Variants in NKAIN3 observed in about 807,000 individuals in gnomAD.
NKAIN3 encodes sodium/potassium transporting ATPase interacting 3, also known as sodium/potassium-transporting ATPase subunit beta-1-interacting protein 3.
A neutral mutation model predicts 30.2 loss-of-function variants in NKAIN3; 25 were observed. That is an observed-to-expected ratio of 0.83 (90% CI 0.60 to 1.16). The LOEUF is 1.16. Among genes scored for constraint, NKAIN3 ranks in the 50% most tolerant of loss-of-function variants. The probability of loss-of-function intolerance (pLI) is 0.00; values close to 1 mark genes in which losing one functional copy is unlikely to be tolerated. For missense variants in NKAIN3, 225 were observed against 254.1 expected (o/e 0.89, Z 0.78); for synonymous variants, 91 against 89.6 (o/e 1.02, Z -0.09).
At chr8:62,425,073 G>T (rs1275135225) in intron 1 of NKAIN3, among the ~76,000 whole-genome samples, 1 of 151,800 alleles carries the variant, frequency 6.6e-6, no homozygotes, top group African/African-American at 2.4e-5. Context: ...CTTATATGAG[G>T]TTATATCAAA....
intron 1 of NKAIN3, among the ~76,000 whole-genome samples, chr8:62,464,891 T>A (rs1390413851): frequency 6.6e-6 from 1 of 152,140 alleles, no homozygotes; most frequent in East Asian, 1.9e-4. Flanking sequence ...AAACTTACAA[T>A]TTATTTGCAA....
intron 1 of NKAIN3, among the ~76,000 whole-genome samples, chr8:62,286,450 C>T (rs1414167951): frequency 6.6e-6 from 1 of 151,718 alleles, no homozygotes; most frequent in East Asian, 1.9e-4. Context: ...CAATACTGAA[C>T]CGTAATTTAA....
intron 1 of NKAIN3, among the ~76,000 whole-genome samples, chr8:62,540,693 T>A (rs1808809847): frequency 6.6e-6 from 1 of 152,088 alleles, no homozygotes; most frequent in Non-Finnish European, 1.5e-5. Context: ...GCTCCCTCAA[T>A]CATCATTTTG....
At chr8:62,755,544 TTC>T (rs1484930425) in intron 4 of NKAIN3, among the ~76,000 whole-genome samples, 3 of 152,170 alleles carry the variant, frequency 2.0e-5, no homozygotes, top group Non-Finnish European at 2.9e-5. Context: ...CTCTTTTTTT[TTC>T]TCTTTTGCTT....
At chr8:62,826,480 A>G (rs1430931867) in intron 4 of NKAIN3, among the ~76,000 whole-genome samples, 1 of 152,190 alleles carries the variant, frequency 6.6e-6, no homozygotes, top group Non-Finnish European at 1.5e-5. Flanking sequence ...ACATATTAAA[A>G]TTTCCTTGGA....
intron 1 of NKAIN3, among the ~76,000 whole-genome samples, chr8:62,273,618 A>C (rs1172726597): frequency 6.6e-6 from 1 of 152,176 alleles, no homozygotes; most frequent in Non-Finnish European, 1.5e-5. Flanking sequence ...TGTCTATGAC[A>C]AGTTCTTGTT....
chr8:62,773,989 T>C (rs553761777), intron 4 of NKAIN3, among the ~76,000 whole-genome samples: 1 of 152,192 alleles, frequency 6.6e-6, no homozygotes, highest in African/African-American at 2.4e-5. Context: ...ATCTGTAGAC[T>C]GTTTTTGGTA....
intron 3 of NKAIN3, among the ~76,000 whole-genome samples, chr8:62,597,307 A>G (rs1205812636): frequency 1.3e-5 from 2 of 152,122 alleles, no homozygotes; most frequent in African/African-American, 4.8e-5. Flanking sequence ...TGTCCATCTT[A>G]CTAAATGGGT....
chr8:62,467,010 A>G (rs1198858665), intron 1 of NKAIN3, among the ~76,000 whole-genome samples: 1 of 152,124 alleles, frequency 6.6e-6, no homozygotes. Flanking sequence ...TGGCCTAACA[A>G]TGGGCTACAG....
intron 4 of NKAIN3, among the ~76,000 whole-genome samples, chr8:62,886,311 A>G (rs1378784300): frequency 6.6e-6 from 1 of 152,030 alleles, no homozygotes; most frequent in African/African-American, 2.4e-5. Context: ...GCCTTGTATC[A>G]CTACTTATTT....
At chr8:62,805,995 C>T (rs1273449441) in intron 4 of NKAIN3, among the ~76,000 whole-genome samples, 2 of 152,140 alleles carry the variant, frequency 1.3e-5, no homozygotes, top group African/African-American at 2.4e-5. Context: ...GGGTGAAGGA[C>T]ATGAACAGAC....
intron 1 of NKAIN3, among the ~76,000 whole-genome samples, chr8:62,525,743 A>G (rs2129808799): frequency 6.6e-6 from 1 of 152,150 alleles, no homozygotes; most frequent in East Asian, 1.9e-4. Context: ...ACAACCCCCA[A>G]CTTCGTTACA....
intron 1 of NKAIN3, among the ~76,000 whole-genome samples, chr8:62,578,480 A>G (rs1418356437): frequency 6.6e-6 from 1 of 152,032 alleles, no homozygotes; most frequent in African/African-American, 2.4e-5. Flanking sequence ...AAGGGGGTTA[A>G]CTCTAGTTTT....
chr8:62,988,319 G>A (rs1382950371), downstream of NKAIN3, among the ~76,000 whole-genome samples: 2 of 152,240 alleles, frequency 1.3e-5, no homozygotes, highest in Non-Finnish European at 2.9e-5. Context: ...CAGTGCCTCA[G>A]TGGGCACCTT....
chr8:62,965,744 T>A lies in NKAIN3; in HGVS notation c.*337T>A, dbSNP rs905273991. The A allele has an allele frequency of 3.0e-6, 3 of 984,794 alleles. No individual in the cohort carries two copies. In the African/African-American group the frequency reaches 5.2e-5, roughly 17 times the overall value. The allele number at this position is 984,794 out of a possible 1,614,324, so 61.0% of individuals were successfully genotyped here. Reference sequence around the variant, plus strand: ...TCTACAGTCAATTCTAAGAGAAATCTCAGTGTGTGCTGTGGAGATGTTAAG... The same window carrying A: ...TCTACAGTCAATTCTAAGAGAAATCACAGTGTGTGCTGTGGAGATGTTAAG... On this transcript the variant is annotated 3_prime_UTR_variant, in exon 7 of 7. Transcript: ENST00000623646.
intron 3 of NKAIN3, among the ~76,000 whole-genome samples, chr8:62,744,482 C>T (rs960014523): frequency 1.3e-5 from 2 of 152,100 alleles, no homozygotes; most frequent in Non-Finnish European, 2.9e-5. Flanking sequence ...CTGAAGTGAA[C>T]TCACAGTCTG....
chr8:62,749,172 T>C (rs530712169), intron 4 of NKAIN3, among the ~76,000 whole-genome samples: 2 of 152,336 alleles, frequency 1.3e-5, no homozygotes, highest in East Asian at 3.9e-4. Context: ...AACCATTTTG[T>C]GGAATGATAG....
rs548247470 is a variant in NKAIN3 at position 62,616,528 on chromosome 8, G to A, written c.273+26734G>A. 1.1e-4 allele frequency among the ~76,000 whole-genome samples: 17 copies of A among 152,248 alleles called. 1 individual carries two copies. In the South Asian group the frequency reaches 2.9e-3, roughly 26 times the overall value. ...CCATGCCCTCTTGCCAGTGTACCAC[G>A]GGCAGCACTTTGATGTGTTGATGTG... is the stretch of plus-strand genomic sequence containing the variant. On this transcript the variant is annotated intron_variant, in intron 3 of 6. Transcript: ENST00000623646.
rs909395288 is a variant in NKAIN3, at chr8:62,984,332, G to A, written c.*18925G>A. Reference sequence around the variant, plus strand: ...AGAGGGACAGAAAGACAAGAACATAGTACCTTCTATTTCTACTACATGTTT... The same window carrying A: ...AGAGGGACAGAAAGACAAGAACATAATACCTTCTATTTCTACTACATGTTT... On this transcript the variant is annotated 3_prime_UTR_variant, in exon 7 of 7. Transcript: ENST00000623646. 6.6e-6 allele frequency: 1 copy of A among 152,144 alleles called. No homozygotes were observed. Among genetic ancestry groups the A allele is most frequent in the Non-Finnish European group, 1.5e-5 (1 of 68,024 alleles). The allele number at this position is 152,144 out of a possible 1,614,324, so 9.4% of individuals were successfully genotyped here. A position where few individuals can be genotyped will look rare whatever the true frequency, so the allele number is the denominator to read the frequency against.
Sources: gnomAD v4.1 joint callset for allele counts (sites outside exome capture counted in the v4.1 genomes callset) on GRCh38, gnomAD v4.1.1 for gene constraint, MANE v1.5 for transcripts, NCBI Gene and HGNC (gene_info 2026-07-23, HGNC 2026-07-21) for gene names.